The following ARHGAP30 variants were observed in gnomAD, a reference collection of about 807,000 sequenced individuals.
ARHGAP30 encodes Rho GTPase activating protein 30.
In ARHGAP30, 23 loss-of-function variants were observed where a neutral mutation model predicts 72.0. The observed-to-expected ratio is 0.32, with a 90% CI of 0.23 to 0.45. ARHGAP30 has a LOEUF of 0.45. ARHGAP30 is among the 20% of genes least tolerant of loss of function. The probability of loss-of-function intolerance (pLI) is 1.00; values close to 1 mark genes in which losing one functional copy is unlikely to be tolerated. For missense variants in ARHGAP30, 1,319 were observed against 1,383.4 expected, an observed-to-expected ratio of 0.95 and a Z score of 0.74; for synonymous variants, 576 against 528.2, an observed-to-expected ratio of 1.09 and a Z score of -1.24.
intron 1 of ARHGAP30, among the ~76,000 whole-genome samples, chr1:161,061,401 GGTGA>G (rs2102061946): frequency 6.7e-6 from 1 of 149,134 alleles, no homozygotes; most frequent in South Asian, 2.1e-4. Context: ...CCTGACCTCA[GGTGA>G]GCCTCCCAAA....
In ARHGAP30 at chr1:161,051,370, C is replaced by T. The variant is rs1202691392; in HGVS notation, c.1364G>A (p.Arg455Gln). The change falls in exon 10 of 12, where the codon CGG becomes CAG. Residue 455 changes from arginine (R) to glutamine (Q), a missense_variant. Coordinates refer to ENST00000368013, the MANE Select transcript of ARHGAP30 (RefSeq NM_001025598.2). Reference protein sequence around the residue: ...RGLECPALQHRPSPASGPGPG... With the variant: ...RGLECPALQHQPSPASGPGPG... The stretch of plus-strand genomic sequence containing the variant: ...GCCAGGGCCAGAGGCAGGGCTTGGC[C>T]GGTGCTGTAGAGCAGGGCACTCAAG... 21 of 1,613,202 alleles carry T rather than the reference C, an allele frequency of 1.3e-5. No homozygotes were observed. Among genetic ancestry groups the T allele is most frequent in the Admixed American group, 5.0e-5 (3 of 59,966 alleles).
intron 3 of ARHGAP30, among the ~76,000 whole-genome samples, chr1:161,055,822 TAAAA>T (rs1557926179): frequency 1.6e-4 from 6 of 38,256 alleles, no homozygotes; most frequent in African/African-American, 5.3e-4. Context: ...TAAAATAAAA[TAAAA>T]TAAAATAAAA....
At chr1:161,059,332 G>A (rs1557930127) in intron 2 of ARHGAP30, among the ~76,000 whole-genome samples, 1 of 102,160 alleles carries the variant, frequency 9.8e-6, no homozygotes, top group African/African-American at 4.4e-5. Flanking sequence ...CCTGGCTCAA[G>A]TTTTTTTTTT....
At chr1:161,059,492 C>T in intron 2 of ARHGAP30, 122 bp downstream of exon 2, 1 of 783,182 alleles carries the variant, frequency 1.3e-6, no homozygotes, top group Non-Finnish European at 2.0e-6. Context: ...TACCTAGTAT[C>T]TGTGTTTCCT....
intron 1 of ARHGAP30, among the ~76,000 whole-genome samples, chr1:161,064,833 GAAAGAAAGAA>G (rs1652627183): frequency 1.5e-5 from 1 of 66,916 alleles, no homozygotes; most frequent in African/African-American, 5.3e-5. Context: ...GAAAGAAAGA[GAAAGAAAGAA>G]AGAAAGGAAA....
intron 1 of ARHGAP30, among the ~76,000 whole-genome samples, chr1:161,067,040 G>T (rs577244165): frequency 6.6e-6 from 1 of 152,176 alleles, no homozygotes; most frequent in South Asian, 2.1e-4. Context: ...GTCCTTTAAA[G>T]GGGACACTCA....
Position 161,059,608 on chromosome 1 carries a change from A to C in ARHGAP30, c.200+6T>G. On this transcript the variant is annotated splice_donor_region_variant and intron_variant, in intron 2 of 11. Coordinates refer to ENST00000368013, the MANE Select transcript of ARHGAP30 (RefSeq NM_001025598.2). ...TCACAGAGCCCTCCCACTCTGTTTGACTCACCGAAGCTTCTGGATGTTGGA... is the reference window on the plus strand; with the variant it reads ...TCACAGAGCCCTCCCACTCTGTTTGCCTCACCGAAGCTTCTGGATGTTGGA... The C allele has an allele frequency of 6.2e-7, 1 of 1,609,446 alleles. No homozygotes were observed. Among genetic ancestry groups the C allele is most frequent in the Non-Finnish European group, 8.5e-7 (1 of 1,177,606 alleles).
intron 1 of ARHGAP30, among the ~76,000 whole-genome samples, chr1:161,064,899 A>G (rs1652651184): frequency 6.7e-6 from 1 of 148,288 alleles, no homozygotes; most frequent in African/African-American, 2.5e-5. Context: ...AGAGGAAGGA[A>G]GGGAGGGAGG....
In ARHGAP30 at chr1:161,069,748, A is replaced by G. The variant is rs1653037923; in HGVS notation, c.-124T>C. 3.8e-6 allele frequency: 4 copies of G among 1,063,340 alleles called. No homozygotes were observed. Among genetic ancestry groups the G allele is most frequent in the Non-Finnish European group, 4.1e-6 (3 of 732,958 alleles). The allele number at this position is 1,063,340 out of a possible 1,614,324, so 65.9% of individuals were successfully genotyped here. A position where few individuals can be genotyped will look rare whatever the true frequency, so the allele number is the denominator to read the frequency against. On this transcript the variant is annotated 5_prime_UTR_variant, in exon 1 of 12. Coordinates refer to ENST00000368013, the MANE Select transcript of ARHGAP30 (RefSeq NM_001025598.2). The surrounding 1 kb of genome is among the most constrained non-coding windows in gnomAD (Gnocchi z 4.9). ...CGGCCCCAGGGGGGCAGGGCTCCCAATTGGGGGTGGAGGGTGGCCTGGGCA... is the reference window on the plus strand; with the variant it reads ...CGGCCCCAGGGGGGCAGGGCTCCCAGTTGGGGGTGGAGGGTGGCCTGGGCA...
In ARHGAP30 at chr1:161,049,233, G is replaced by A; in HGVS notation, c.1788C>T (p.Pro596=). 1 of 1,614,128 alleles carries A rather than the reference G, an allele frequency of 6.2e-7. No homozygotes were observed. The highest frequency in any genetic ancestry group is 8.5e-7 in the Non-Finnish European group (1 of 1,180,002). The change falls in exon 12 of 12, where the codon CCC becomes CCT. Residue 596 remains proline, a synonymous_variant. Coordinates refer to ENST00000368013, the MANE Select transcript of ARHGAP30 (RefSeq NM_001025598.2). ...PSCCSLDSAG[P]RPEVEEENGE... is the part of the protein sequence containing the mutation. ...CATTTTCCTCCTCAACTTCAGGCCT[G>A]GGGCCAGCGGAGTCCAGGGAACAGC... is the stretch of plus-strand genomic sequence containing the variant.
intron 1 of ARHGAP30, among the ~76,000 whole-genome samples, chr1:161,064,273 C>T (rs1475286860): frequency 2.0e-5 from 3 of 152,264 alleles, no homozygotes; most frequent in Middle Eastern, 3.4e-3. Flanking sequence ...AGCCAGCCGA[C>T]GCTTAGGAAA....
intron 9 of ARHGAP30, among the ~76,000 whole-genome samples, 200 bp downstream of exon 9, chr1:161,052,086 G>A (rs928714091): frequency 4.3e-5 from 6 of 140,832 alleles, no homozygotes; most frequent in Non-Finnish European, 9.0e-5. Context: ...CATCCCATAC[G>A]AACACTCATC....
At chr1:161,063,290 C>A (rs576327302) in intron 1 of ARHGAP30, among the ~76,000 whole-genome samples, 1 of 152,340 alleles carries the variant, frequency 6.6e-6, no homozygotes, top group African/African-American at 2.4e-5. Context: ...AATGGAGGGA[C>A]CGGCTGAAGC....
In ARHGAP30 at chr1:161,054,306, C is replaced by T. The variant is rs564924668; in HGVS notation, c.536+60G>A. The T allele has an allele frequency of 8.1e-5, 117 of 1,452,576 alleles. 1 individual carries two copies. In the African/African-American group the frequency reaches 1.4e-3, roughly 18 times the overall value. 90.0% of individuals were successfully genotyped at this position (1,452,576 alleles called of 1,614,324 possible). A position where few individuals can be genotyped will look rare whatever the true frequency, so the allele number is the denominator to read the frequency against. ...ACACAGTCACACCTCATCCTGGGAG[C>T]AGCCTCCCAAAGGCCAGTGTCTCAC... On this transcript the variant is annotated intron_variant, in intron 5 of 11. Transcript: ENST00000368013.
At chr1:161,056,609 T>A in intron 2 of ARHGAP30, 77 bp from the exon 3 acceptor site, 2 of 1,499,158 alleles carry the variant, frequency 1.3e-6, no homozygotes, top group Non-Finnish European at 1.8e-6. Flanking sequence ...TAGAGATGGG[T>A]CCCGGCATGG....
intron 1 of ARHGAP30, among the ~76,000 whole-genome samples, chr1:161,064,829 AAG>A (rs113719533): frequency 0.1 from 4,597 of 44,710 alleles, 140 homozygotes; most frequent in African/African-American, 0.24. Context: ...GAAAGAAAGA[AAG>A]AGAAAGAAAG....
chr1:161,052,191 G>A, intron 9 of ARHGAP30, 95 bp downstream of exon 9: 1 of 1,380,794 alleles, frequency 7.2e-7, no homozygotes, highest in Non-Finnish European at 1.0e-6. Context: ...AATATTTTTT[G>A]AAATTATTGA....
chr1:161,053,885 G>A (rs1651631382), intron 5 of ARHGAP30, among the ~76,000 whole-genome samples: 2 of 152,080 alleles, frequency 1.3e-5, no homozygotes, highest in South Asian at 2.1e-4. Context: ...GACCAACATG[G>A]TGAAACCCCT....
intron 10 of ARHGAP30, among the ~76,000 whole-genome samples, chr1:161,050,050 TAACTC>T (rs1399419833): frequency 1.3e-5 from 2 of 152,146 alleles, no homozygotes; most frequent in Non-Finnish European, 2.9e-5. Context: ...CAAGTCTACT[TAACTC>T]TATAGCCCAT....
Sources: gnomAD v4.1 joint callset for allele counts (sites outside exome capture counted in the v4.1 genomes callset) on GRCh38, gnomAD v4.1.1 for gene constraint, Gnocchi (gnomAD v3.1) non-coding constraint, MANE v1.5 for transcripts, NCBI Gene and HGNC (gene_info 2026-07-23, HGNC 2026-07-21) for gene names.